The following FAM204A variants were observed in gnomAD, a reference collection of about 807,000 sequenced individuals.
FAM204A encodes the protein protein FAM204A.
FAM204A carries 16 observed loss-of-function variants against 35.4 expected under a neutral mutation model. The ratio of observed to expected loss-of-function variants is 0.45; its 90% CI spans 0.31 to 0.69. The LOEUF is 0.69. FAM204A is among the 30% of genes least tolerant of loss of function. FAM204A has a pLI of 0.07. For synonymous variants in FAM204A, 76 were observed against 86.9 expected, an observed-to-expected ratio of 0.88 and a Z score of 0.70; for missense variants, 240 against 265.7, an observed-to-expected ratio of 0.90 and a Z score of 0.67.
At chr10:118,336,634 G>C (rs1846393242) in intron 2 of FAM204A, among the ~76,000 whole-genome samples, 1 of 151,648 alleles carries the variant, frequency 6.6e-6, no homozygotes, top group African/African-American at 2.4e-5. Context: ...AAGTTTAGAA[G>C]TTTAAAAGCT....
At chr10:118,333,544 C>T (rs1846324817) in intron 6 of FAM204A, among the ~76,000 whole-genome samples, 1 of 152,172 alleles carries the variant, frequency 6.6e-6, no homozygotes. Context: ...CCAACGATCC[C>T]AAACCAAAGA....
intron 7 of FAM204A, among the ~76,000 whole-genome samples, chr10:118,322,997 T>C (rs978896695): frequency 7.9e-5 from 12 of 152,118 alleles, no homozygotes; most frequent in African/African-American, 2.9e-4. Context: ...GTCCACATTT[T>C]AACCCTGAAG....
chr10:118,327,816 G>A (rs1290041178), intron 6 of FAM204A, among the ~76,000 whole-genome samples: 1 of 152,136 alleles, frequency 6.6e-6, no homozygotes, highest in Non-Finnish European at 1.5e-5. Context: ...TTTTGTACTG[G>A]CCGGCATGTT....
chr10:118,328,499 T>TG (rs1372434218), intron 6 of FAM204A, among the ~76,000 whole-genome samples: 1 of 151,596 alleles, frequency 6.6e-6, no homozygotes, highest in Non-Finnish European at 1.5e-5. Flanking sequence ...CAACTGTTTT[T>TG]TTTTTTTTTT....
Position 118,298,249 on chromosome 10 carries a change from A to G in FAM204A, c.*12608T>C, listed in dbSNP as rs919890065. ...ACAGGCCCCCTGAGCCAGACAGGAAATCCACTGGTATTTAAAAAGATAGGT... is the reference window on the plus strand; with the variant it reads ...ACAGGCCCCCTGAGCCAGACAGGAAGTCCACTGGTATTTAAAAAGATAGGT... On this transcript the variant is annotated 3_prime_UTR_variant, in exon 9 of 9. Coordinates refer to ENST00000369183, the MANE Select transcript of FAM204A (RefSeq NM_022063.3). 2.0e-5 allele frequency: 3 copies of G among 152,230 alleles called. No homozygotes were observed. Among genetic ancestry groups the G allele is most frequent in the African/African-American group, 7.2e-5 (3 of 41,452 alleles). 9.4% of individuals were successfully genotyped at this position (152,230 alleles called of 1,614,324 possible).
At chr10:118,340,859 C>G (rs1846466740) in intron 2 of FAM204A, among the ~76,000 whole-genome samples, 1 of 138,018 alleles carries the variant, frequency 7.2e-6, no homozygotes, top group Non-Finnish European at 1.6e-5. Context: ...GATGGGATAA[C>G]TGACTTGCCT....
intron 2 of FAM204A, among the ~76,000 whole-genome samples, chr10:118,341,244 A>AT (rs1257376644): frequency 1.3e-5 from 2 of 152,204 alleles, no homozygotes; most frequent in African/African-American, 4.8e-5. Context: ...TTTTCATCGT[A>AT]TAAGGCTGTC....
At position 118,302,112 on chromosome 10, in the gene FAM204A, C is replaced by G. The variant is rs1414632424; in HGVS notation, c.*8745G>C. On this transcript the variant is annotated 3_prime_UTR_variant, in exon 9 of 9. Transcript: ENST00000369183. ...GTGATGTTGTGTGACACTGCAGAGTCTGCTTATTATGTCTTTCCCTCTAGG... is the reference window on the plus strand; with the variant it reads ...GTGATGTTGTGTGACACTGCAGAGTGTGCTTATTATGTCTTTCCCTCTAGG... 1 of 152,266 alleles carries G rather than the reference C, an allele frequency of 6.6e-6. No homozygotes were observed. Among genetic ancestry groups the G allele is most frequent in the Non-Finnish European group, 1.5e-5 (1 of 68,054 alleles). 9.4% of individuals were successfully genotyped at this position (152,266 alleles called of 1,614,324 possible). A position where few individuals can be genotyped will look rare whatever the true frequency, so the allele number is the denominator to read the frequency against.
chr10:118,339,188 T>G (rs1052102350), intron 2 of FAM204A, among the ~76,000 whole-genome samples: 1 of 152,194 alleles, frequency 6.6e-6, no homozygotes, highest in African/African-American at 2.4e-5. Context: ...GAGCAGTCAC[T>G]GATAAACACG....
At chr10:118,311,165 G>T in intron 8 of FAM204A, 42 bp downstream of exon 8, 1 of 1,525,920 alleles carries the variant, frequency 6.6e-7, no homozygotes, top group East Asian at 2.3e-5. Context: ...GAATTTCTAT[G>T]AAGTCAGGAG....
intron 7 of FAM204A, among the ~76,000 whole-genome samples, chr10:118,313,975 C>T (rs1294258916): frequency 1.3e-5 from 2 of 152,202 alleles, no homozygotes; most frequent in Non-Finnish European, 2.9e-5. Flanking sequence ...AGACTCTTCA[C>T]CTCGACATGT....
At chr10:118,329,635 A>C (rs1440084468) in intron 6 of FAM204A, among the ~76,000 whole-genome samples, 1 of 152,058 alleles carries the variant, frequency 6.6e-6, no homozygotes, top group Non-Finnish European at 1.5e-5. Flanking sequence ...GTGTCCCTTC[A>C]GCACCTAACT....
rs1319445405 is a variant in FAM204A at position 118,300,945 on chromosome 10, A to G, written c.*9912T>C. 4.6e-5 allele frequency: 7 copies of G among 152,220 alleles called. No individual in the cohort carries two copies. The highest frequency in any genetic ancestry group is 1.5e-5 in the Non-Finnish European group (1 of 68,042). The allele number at this position is 152,220 out of a possible 1,614,324, so 9.4% of individuals were successfully genotyped here. A position where few individuals can be genotyped will look rare whatever the true frequency, so the allele number is the denominator to read the frequency against. ...CTCCATGCACTATCTTAATGTTCAC[A>G]ACCTCACACAGTAAGCATTATTAAC... On this transcript the variant is annotated 3_prime_UTR_variant, in exon 9 of 9. Transcript: ENST00000369183.
At position 118,300,661 on chromosome 10, in the gene FAM204A, C is replaced by G. The variant is rs1014515850; in HGVS notation, c.*10196G>C. The G allele has an allele frequency of 1.3e-5, 2 of 152,172 alleles. No individual in the cohort carries two copies. Among genetic ancestry groups the G allele is most frequent in the Non-Finnish European group, 2.9e-5 (2 of 68,038 alleles). 9.4% of individuals were successfully genotyped at this position (152,172 alleles called of 1,614,324 possible). On this transcript the variant is annotated 3_prime_UTR_variant, in exon 9 of 9. Transcript: ENST00000369183. ...AGAGCTGTCTGACTCTGAAGCCAGT[C>G]CTTTAGCCACCCACCTATAGGAGCT...
chr10:118,341,457 A>G (rs1324963715), intron 2 of FAM204A, among the ~76,000 whole-genome samples: 1 of 152,218 alleles, frequency 6.6e-6, no homozygotes, highest in Non-Finnish European at 1.5e-5. Context: ...TAACGTAAAT[A>G]TCCTATTTAC....
chr10:118,335,084 T>G, intron 6 of FAM204A, 30 bp downstream of exon 6: 1 of 1,460,248 alleles, frequency 6.8e-7, no homozygotes. Context: ...TCCTACTAGC[T>G]GGTATAAGAT....
rs1032306840 is a variant in FAM204A, at chr10:118,305,431, GCTC to G, written c.*5423_*5425del. 1.3e-5 allele frequency: 2 copies of G among 152,174 alleles called. No homozygotes were observed. The highest frequency in any genetic ancestry group is 4.8e-5 in the African/African-American group (2 of 41,424). The allele number at this position is 152,174 out of a possible 1,614,324, so 9.4% of individuals were successfully genotyped here. ...CATTCCTGAGTCAAACCCCACCAAT[GCTC>G]CTCATCTCCAGGGGAGACAGTCAGG... On this transcript the variant is annotated 3_prime_UTR_variant, in exon 9 of 9. Transcript: ENST00000369183.
At position 118,304,033 on chromosome 10, in the gene FAM204A, T is replaced by C. The variant is rs1845836189; in HGVS notation, c.*6824A>G. On this transcript the variant is annotated 3_prime_UTR_variant, in exon 9 of 9. Transcript: ENST00000369183. ...TAGGAAATCCAACCTAAGATTGCAA[T>C]TGCACCATCTATTGCAATTCTGGTC... 6.6e-6 allele frequency: 1 copy of C among 152,136 alleles called. No individual in the cohort carries two copies. 9.4% of individuals were successfully genotyped at this position (152,136 alleles called of 1,614,324 possible). A position where few individuals can be genotyped will look rare whatever the true frequency, so the allele number is the denominator to read the frequency against.
In FAM204A at chr10:118,332,128, C is replaced by T. The variant is rs138148486; in HGVS notation, c.453+2986G>A. Among the ~76,000 whole-genome samples, 1,157 of 136,890 alleles carry T rather than the reference C, an allele frequency of 8.5e-3. 10 individuals are homozygous for T. Among genetic ancestry groups the T allele is most frequent in the Middle Eastern group, 0.033 (8 of 242 alleles). 89.8% of individuals were successfully genotyped at this position (136,890 alleles called of 152,430 possible). On this transcript the variant is annotated intron_variant, in intron 6 of 8. Transcript: ENST00000369183. Reference sequence around the variant, plus strand: ...TGGAGGATGCAGTGAGCTGAGATTGCACCACTGCATTCCAGCCTGGGCAAC... The same window carrying T: ...TGGAGGATGCAGTGAGCTGAGATTGTACCACTGCATTCCAGCCTGGGCAAC...
Sources: allele counts gnomAD v4.1 joint callset (sites outside exome capture counted in the v4.1 genomes callset), GRCh38; gene constraint gnomAD v4.1.1; transcripts MANE v1.5; gene names NCBI Gene and HGNC (gene_info 2026-07-23, HGNC 2026-07-21).